OSBPL10: variants seen among roughly 807,000 people sequenced by gnomAD.
OSBPL10 encodes oxysterol binding protein like 10, also known as oxysterol-binding protein-related protein 10.
Under a neutral mutation model 81.7 loss-of-function variants are expected in OSBPL10, and 49 were observed. The ratio of observed to expected loss-of-function variants is 0.60; its 90% CI spans 0.48 to 0.76. The LOEUF is 0.76. Ranked by LOEUF, OSBPL10 falls within the 30% of genes least tolerant of loss-of-function variation. The pLI, the probability that OSBPL10 is intolerant of heterozygous loss-of-function variation, is 0.00. For missense variants in OSBPL10, 923 were observed against 987.8 expected, an observed-to-expected ratio of 0.93 and a Z score of 0.88; for synonymous variants, 419 against 383.6, an observed-to-expected ratio of 1.09 and a Z score of -1.08.
intron 8 of OSBPL10, among the ~76,000 whole-genome samples, chr3:31,674,401 TA>T (rs1316850153): frequency 6.6e-6 from 1 of 150,768 alleles, no homozygotes; most frequent in Non-Finnish European, 1.5e-5. Flanking sequence ...AAAAAAATTT[TA>T]AAAAAAAATT....
At chr3:31,684,711 G>A (rs972394581) in intron 7 of OSBPL10, among the ~76,000 whole-genome samples, 1 of 152,240 alleles carries the variant, frequency 6.6e-6, no homozygotes, top group African/African-American at 2.4e-5. Context: ...GCTCCAGGAC[G>A]GGGCAGGCCC....
intron 1 of OSBPL10, among the ~76,000 whole-genome samples, chr3:31,971,846 C>CA (rs1698575649): frequency 6.6e-6 from 1 of 152,198 alleles, no homozygotes; most frequent in Non-Finnish European, 1.5e-5. Context: ...GTATAGCCCA[C>CA]AAAGTCTAAC....
intron 1 of OSBPL10, among the ~76,000 whole-genome samples, chr3:31,943,749 C>T (rs1440165054): frequency 1.3e-5 from 2 of 151,882 alleles, no homozygotes; most frequent in African/African-American, 4.8e-5. Context: ...AGGTGGATCA[C>T]GAGGTCAGGA....
chr3:31,745,145 G>A (rs1046371966), intron 5 of OSBPL10, among the ~76,000 whole-genome samples: 1 of 152,214 alleles, frequency 6.6e-6, no homozygotes, highest in African/African-American at 2.4e-5. Flanking sequence ...TTGCTCCAGC[G>A]TGAATACACG....
At chr3:32,005,855 G>A (rs1402866186) in intron 2 of OSBPL10, among the ~76,000 whole-genome samples, 3 of 152,174 alleles carry the variant, frequency 2.0e-5, no homozygotes, top group African/African-American at 7.2e-5. Context: ...CCAAAGTGCT[G>A]GGATTACAGG....
In OSBPL10 at chr3:31,912,796, G is replaced by C. The variant is rs1432983237; in HGVS notation, c.282-32966C>G. On this transcript the variant is annotated intron_variant, in intron 1 of 11. Coordinates refer to ENST00000396556, the MANE Select transcript of OSBPL10 (RefSeq NM_017784.5). ...TCTGAGCCTTTTCCTGCCACAGCAGGCATGATGGATGGAGCTCACAAGCAT... is the reference window on the plus strand; with the variant it reads ...TCTGAGCCTTTTCCTGCCACAGCAGCCATGATGGATGGAGCTCACAAGCAT... Among the ~76,000 whole-genome samples, 7 of 152,148 alleles carry C rather than the reference G, an allele frequency of 4.6e-5. No individual in the cohort carries two copies. In the East Asian group the frequency reaches 1.3e-3, roughly 29 times the overall value.
At chr3:31,914,526 G>A (rs930155143) in intron 1 of OSBPL10, among the ~76,000 whole-genome samples, 1 of 152,096 alleles carries the variant, frequency 6.6e-6, no homozygotes, top group African/African-American at 2.4e-5. Flanking sequence ...GCATTCCATG[G>A]AACCCACTTT....
At chr3:31,794,988 T>G in intron 4 of OSBPL10, 1 of 286,230 alleles carries the variant, frequency 3.5e-6, no homozygotes, top group South Asian at 4.8e-5. Flanking sequence ...TTATCTCTTA[T>G]GAGGTTGGGA....
intron 4 of OSBPL10, among the ~76,000 whole-genome samples, chr3:31,806,181 G>A (rs1414392993): frequency 6.6e-6 from 1 of 152,138 alleles, no homozygotes; most frequent in Non-Finnish European, 1.5e-5. Context: ...TGGATGCAGG[G>A]AAGGAGGACC....
At chr3:31,859,434 T>A (rs1488886311) in intron 3 of OSBPL10, among the ~76,000 whole-genome samples, 1 of 152,234 alleles carries the variant, frequency 6.6e-6, no homozygotes, top group Non-Finnish European at 1.5e-5. Flanking sequence ...TCCTTTATAA[T>A]AAACTGGTAA....
intron 2 of OSBPL10, chr3:31,991,216 C>T (rs189162672): frequency 4.0e-5 from 19 of 478,212 alleles, no homozygotes; most frequent in Admixed American, 2.0e-4. Context: ...GAGGTCAAGA[C>T]GGATAGATCA....
intron 3 of OSBPL10, among the ~76,000 whole-genome samples, chr3:31,833,705 G>GCACACA (rs10591808): frequency 2.6e-3 from 353 of 138,040 alleles, no homozygotes; most frequent in East Asian, 0.024. Flanking sequence ...ACACGCACAC[G>GCACACA]CACACACACA....
intron 1 of OSBPL10, among the ~76,000 whole-genome samples, chr3:32,047,661 T>C (rs534988392): frequency 6.6e-6 from 1 of 151,812 alleles, no homozygotes; most frequent in Non-Finnish European, 1.5e-5. Flanking sequence ...ACCTGTTTTT[T>C]GTTTTTTGTT....
intron 1 of OSBPL10, among the ~76,000 whole-genome samples, chr3:31,891,738 G>C (rs189887487): frequency 6.6e-6 from 1 of 152,324 alleles, no homozygotes; most frequent in Non-Finnish European, 1.5e-5. Flanking sequence ...TCAGCTGTCA[G>C]TGTGGTCAAC....
chr3:32,052,607 G>A (rs1370535615), intron 1 of OSBPL10, among the ~76,000 whole-genome samples: 1 of 152,170 alleles, frequency 6.6e-6, no homozygotes, highest in African/African-American at 2.4e-5. Context: ...TATATACCAC[G>A]GAATACCATG....
At chr3:31,724,839 T>G (rs1696757490) in intron 6 of OSBPL10, among the ~76,000 whole-genome samples, 1 of 152,152 alleles carries the variant, frequency 6.6e-6, no homozygotes, top group Non-Finnish European at 1.5e-5. Flanking sequence ...GGCAGAAAGA[T>G]GCTGTTTTGC....
chr3:32,028,927 G>GACACACACACACACACAC (rs58442955), intron 2 of OSBPL10, among the ~76,000 whole-genome samples: 4 of 105,634 alleles, frequency 3.8e-5, no homozygotes, highest in Admixed American at 1.0e-4. Context: ...AGCTAGTCAG[G>GACACACACACACACACAC]ACACACACAC....
Position 31,683,722 on chromosome 3 carries a change from G to T in OSBPL10, c.1638C>A (p.Cys546Ter), listed in dbSNP as rs200138225. Residue 546 changes from cysteine (C) to a stop codon, truncating the protein, a stop_gained, in exon 8 of 12, where the codon TGC becomes TGA. Transcript: ENST00000396556. LOFTEE classifies it high-confidence loss of function. ...TGTTGACGCACAGTCTCTTCTCCTCGCACTCACAGTAGAAGCAGGAGATGG... is the reference window on the plus strand; with the variant it reads ...TGTTGACGCACAGTCTCTTCTCCTCTCACTCACAGTAGAAGCAGGAGATGG... Reference protein sequence around the residue: ...HPPISCFYCECEEKRLCVNTH... With the variant: ...HPPISCFYCE The T allele has an allele frequency of 6.2e-7, 1 of 1,614,118 alleles. No homozygotes were observed. The highest frequency in any genetic ancestry group is 1.7e-5 in the Admixed American group (1 of 60,014).
chr3:31,770,623 C>T (rs1348025884), intron 4 of OSBPL10, among the ~76,000 whole-genome samples: 1 of 152,082 alleles, frequency 6.6e-6, no homozygotes, highest in Non-Finnish European at 1.5e-5. Flanking sequence ...CCCATCTCTA[C>T]TAAAAATACA....
Sources: allele counts gnomAD v4.1 joint callset (sites outside exome capture counted in the v4.1 genomes callset), GRCh38; gene constraint gnomAD v4.1.1; transcripts MANE v1.5; gene names NCBI Gene and HGNC (gene_info 2026-07-23, HGNC 2026-07-21).